Variants in NRIP1 observed in about 807,000 individuals in gnomAD.
NRIP1 encodes nuclear receptor-interacting protein 1.
In NRIP1, 28 loss-of-function variants were observed where a neutral mutation model predicts 75.0. The ratio of observed to expected loss-of-function variants is 0.37; its 90% CI spans 0.28 to 0.51. NRIP1 has a LOEUF of 0.51. Ranked by LOEUF, NRIP1 falls within the 20% of genes least tolerant of loss-of-function variation. The probability of loss-of-function intolerance (pLI) is 0.92; values close to 1 mark genes in which losing one functional copy is unlikely to be tolerated. For synonymous variants in NRIP1, 526 were observed against 487.6 expected (o/e 1.08, Z -1.04); for missense variants, 1,435 against 1,343.7 (o/e 1.07, Z -1.06).
intron 3 of NRIP1, among the ~76,000 whole-genome samples, chr21:14,973,149 G>T (rs551827883): frequency 6.6e-6 from 1 of 152,142 alleles, no homozygotes; most frequent in Admixed American, 6.5e-5. Context: ...GACTTTACTT[G>T]TATGGTATAT....
At position 14,965,737 on chromosome 21, in the gene NRIP1, A is replaced by C; in HGVS notation, c.2456T>G (p.Leu819Arg). 2 of 1,613,964 alleles carry C rather than the reference A, an allele frequency of 1.2e-6. No homozygotes were observed. The highest frequency in any genetic ancestry group is 1.7e-6 in the Non-Finnish European group (2 of 1,179,974). ...TTGATTTTGTCTTAGCAATCGACTT[A>C]GCAGACCATTCTTGGAGAAAGAAAA... ...QDFSFSKNGL[L>R]SRLLRQNQDS... The change falls in exon 4 of 4, where the codon CTA (leucine) becomes CGA (arginine). Residue 819 changes from leucine (L) to arginine (R), a missense_variant. Coordinates refer to ENST00000318948, the MANE Select transcript of NRIP1 (RefSeq NM_003489.4).
intron 1 of NRIP1, chr21:15,050,491 T>C: frequency 3.1e-6 from 1 of 326,352 alleles, no homozygotes; most frequent in Non-Finnish European, 6.0e-6. Context: ...CCAATTTCTA[T>C]AACCAAAACG....
At chr21:15,051,287 C>CGTGTGTGTGCGT (rs2089197521) in intron 1 of NRIP1, 1 of 164,176 alleles carries the variant, frequency 6.1e-6, no homozygotes, top group Non-Finnish European at 1.3e-5. Context: ...TGTGTGTGCG[C>CGTGTGTGTGCGT]GTGTGTGTGT....
intron 3 of NRIP1, among the ~76,000 whole-genome samples, chr21:14,974,713 T>C (rs1347520703): frequency 6.6e-6 from 1 of 152,218 alleles, no homozygotes; most frequent in Non-Finnish European, 1.5e-5. Flanking sequence ...AATGCAGTCT[T>C]TCCTAATGAA....
At position 14,968,215 on chromosome 21, in the gene NRIP1, G is replaced by A. The variant is rs1376335442; in HGVS notation, c.-23C>T. 6.5e-7 allele frequency: 1 copy of A among 1,534,324 alleles called. No homozygotes were observed. Among genetic ancestry groups the A allele is most frequent in the South Asian group, 1.2e-5 (1 of 82,528 alleles). On this transcript the variant is annotated 5_prime_UTR_variant, in exon 4 of 4. Coordinates refer to ENST00000318948, the MANE Select transcript of NRIP1 (RefSeq NM_003489.4). ...CATGTTCAATAGAAGTGTTCACAAG[G>A]GCTTGGTTTCTATTCACTTTAAAGA...
chr21:15,028,081 A>T (rs1337179768), intron 2 of NRIP1, among the ~76,000 whole-genome samples: 1 of 152,178 alleles, frequency 6.6e-6, no homozygotes, highest in East Asian at 1.9e-4. Context: ...CTCTAAATCA[A>T]ATTTGCTATC....
chr21:15,018,254 C>T (rs953289189), intron 2 of NRIP1, among the ~76,000 whole-genome samples: 25 of 152,108 alleles, frequency 1.6e-4, no homozygotes, highest in African/African-American at 6.0e-4. Context: ...AGATACTATT[C>T]ATCTGAGTTG....
Position 15,002,538 on chromosome 21 carries a change from G to A in NRIP1, c.-335+11806C>T, listed in dbSNP as rs536757650. Among the ~76,000 whole-genome samples the A allele has an allele frequency of 6.6e-5, 10 of 151,956 alleles. No individual in the cohort carries two copies. In the South Asian group the frequency reaches 1.0e-3, roughly 16 times the overall value. ...ATGAAAATACAGATGTGTCTACTTC[G>A]GTGAACTAATTCATCACACTTTACC... is the stretch of plus-strand genomic sequence containing the variant. On this transcript the variant is annotated intron_variant, in intron 3 of 3. Transcript: ENST00000318948.
intron 3 of NRIP1, among the ~76,000 whole-genome samples, chr21:15,012,807 T>C (rs2088139887): frequency 6.6e-6 from 1 of 152,110 alleles, no homozygotes; most frequent in Non-Finnish European, 1.5e-5. Flanking sequence ...TAAGAACAAC[T>C]CATTGGCTGT....
chr21:15,003,130 G>A lies in NRIP1; in HGVS notation c.-335+11214C>T, dbSNP rs1000284896. The stretch of plus-strand genomic sequence containing the variant: ...GAAAAGGTATGCCAGTCATTGAGTA[G>A]GCGAATGACAGAAGTTGTTAAATAT... On this transcript the variant is annotated intron_variant, in intron 3 of 3. Coordinates refer to ENST00000318948, the MANE Select transcript of NRIP1 (RefSeq NM_003489.4). Among the ~76,000 whole-genome samples, 9 of 152,120 alleles carry A rather than the reference G, an allele frequency of 5.9e-5. 1 individual carries two copies. Among genetic ancestry groups the A allele is most frequent in the East Asian group, 3.9e-4 (2 of 5,180 alleles).
In NRIP1 at chr21:14,966,699, T is replaced by C. The variant is rs778978015; in HGVS notation, c.1494A>G (p.Val498=). The C allele has an allele frequency of 6.2e-7, 1 of 1,614,138 alleles. No individual in the cohort carries two copies. Residue 498 remains valine (V), a synonymous_variant, in exon 4 of 4, where the codon GTA becomes GTG. Transcript: ENST00000318948. ...GGCCAAGTAGCAATTGAAGAAGTGT[T>C]ACTTTCTGGTGTGAGTTTAGCTTAG... ...KNSKLNSHQK[V]TLLQLLLGHK...
At chr21:15,023,012 T>G (rs966320561) in intron 2 of NRIP1, among the ~76,000 whole-genome samples, 1 of 152,102 alleles carries the variant, frequency 6.6e-6, no homozygotes, top group African/African-American at 2.4e-5. Context: ...ATGTACAGAA[T>G]AGGCAAATTA....
chr21:14,964,615 A>G lies in NRIP1; in HGVS notation c.*101T>C. ...ACTTTTCAAAATGAAAAAAGTTTCA[A>G]TTATACCATGCTTTTTTTCAAATCA... On this transcript the variant is annotated 3_prime_UTR_variant, in exon 4 of 4. Coordinates refer to ENST00000318948, the MANE Select transcript of NRIP1 (RefSeq NM_003489.4). 2 of 973,194 alleles carry G rather than the reference A, an allele frequency of 2.1e-6. No homozygotes were observed. The highest frequency in any genetic ancestry group is 3.0e-6 in the Non-Finnish European group (2 of 676,856). The allele number at this position is 973,194 out of a possible 1,614,324, so 60.3% of individuals were successfully genotyped here.
intron 2 of NRIP1, among the ~76,000 whole-genome samples, chr21:15,021,522 A>G (rs2088373659): frequency 6.6e-6 from 1 of 152,198 alleles, no homozygotes; most frequent in African/African-American, 2.4e-5. Flanking sequence ...AAAACCTTCC[A>G]ACTGAACACT....
At chr21:15,060,456 C>G (rs1465542315) in intron 1 of NRIP1, among the ~76,000 whole-genome samples, 1 of 152,126 alleles carries the variant, frequency 6.6e-6, no homozygotes, top group Admixed American at 6.5e-5. Flanking sequence ...ACATGTTTAT[C>G]TTTATCAGAG....
intron 1 of NRIP1, chr21:15,051,721 C>A (rs530112701): frequency 6.6e-6 from 1 of 152,188 alleles, no homozygotes; most frequent in Non-Finnish European, 1.5e-5. Flanking sequence ...CTTTACCAGA[C>A]GGGCACACAA....
intron 1 of NRIP1, chr21:15,050,160 T>C (rs1013900820): frequency 1.3e-5 from 2 of 152,850 alleles, no homozygotes; most frequent in African/African-American, 2.4e-5. Context: ...GAGTCAGACA[T>C]GAAATATATG....
intron 2 of NRIP1, among the ~76,000 whole-genome samples, chr21:15,037,686 T>C (rs1480327666): frequency 1.3e-5 from 2 of 152,120 alleles, no homozygotes; most frequent in Non-Finnish European, 2.9e-5. Context: ...GAGCTGAAGA[T>C]AGCAAAAATA....
intron 1 of NRIP1, among the ~76,000 whole-genome samples, chr21:15,043,840 G>A (rs2089012151): frequency 6.6e-6 from 1 of 151,898 alleles, no homozygotes; most frequent in African/African-American, 2.4e-5. Context: ...GTTTTTTGAG[G>A]TGGAGTCTCC....
Sources: allele counts gnomAD v4.1 joint callset (sites outside exome capture counted in the v4.1 genomes callset), GRCh38; gene constraint gnomAD v4.1.1; transcripts MANE v1.5; gene names NCBI Gene and HGNC (gene_info 2026-07-23, HGNC 2026-07-21).